Variants in NDUFAF3 observed in about 807,000 individuals in gnomAD.
NDUFAF3 encodes the protein NADH:ubiquinone oxidoreductase complex assembly factor 3.
NDUFAF3 carries 21 observed loss-of-function variants against 22.6 expected under a neutral mutation model. The ratio of observed to expected loss-of-function variants is 0.93; its 90% CI spans 0.66 to 1.34. NDUFAF3 has a LOEUF of 1.34. Ranked by LOEUF, NDUFAF3 falls within the 40% of genes most tolerant of loss-of-function variation. The pLI, the probability that NDUFAF3 is intolerant of heterozygous loss-of-function variation, is 0.00. For synonymous variants in NDUFAF3, 113 were observed against 104.9 expected, an observed-to-expected ratio of 1.08 and a Z score of -0.47; for missense variants, 251 against 248.4, an observed-to-expected ratio of 1.01 and a Z score of -0.07.
chr3:49,020,819 G>C (rs778680245), upstream of NDUFAF3: 3 of 368,576 alleles, frequency 8.1e-6, no homozygotes, highest in Non-Finnish European at 1.7e-5. Flanking sequence ...GTTGTGAAAC[G>C]GAGTCTAGAG....
In NDUFAF3 at chr3:49,022,716, G is replaced by A. The variant is rs751592589; in HGVS notation, c.285G>A (p.Gln95=). The change falls in exon 3 of 5, where the codon CAG becomes CAA. Residue 95 remains glutamine, a synonymous_variant. Coordinates refer to ENST00000326925, the MANE Select transcript of NDUFAF3 (RefSeq NM_199069.2). This position sits in a 1 kb window ranked among gnomAD's most constrained non-coding sequence, Gnocchi z 6.6. ...TCCCTGCACAGGTGGGATCCCACCA[G>A]GACATCACCGAAGACAGCTTTTCCC... is the stretch of plus-strand genomic sequence containing the variant. ...SVVQWNVGSH[Q]DITEDSFSLF... 2.5e-6 allele frequency: 4 copies of A among 1,614,000 alleles called. No homozygotes were observed. The highest frequency in any genetic ancestry group is 2.5e-6 in the Non-Finnish European group (3 of 1,180,046).
At chr3:49,020,876 G>A, upstream of NDUFAF3, 1 of 291,130 alleles carries the variant, frequency 3.4e-6, no homozygotes, top group Non-Finnish European at 7.2e-6. Flanking sequence ...AGGGGAGGTG[G>A]GGGCCTCCCC....
chr3:49,023,012 C>A, intron 4 of NDUFAF3, 36 bp downstream of exon 4: 1 of 1,613,650 alleles, frequency 6.2e-7, no homozygotes, highest in South Asian at 1.1e-5. Flanking sequence ...GCGGGGAGCA[C>A]AGGCCTGGCG....
chr3:49,020,547 CTG>C, upstream of NDUFAF3: 1 of 455,826 alleles, frequency 2.2e-6, no homozygotes. Flanking sequence ...CTGAGAGGAA[CTG>C]AGACCCAAGC....
Position 49,023,395 on chromosome 3 carries a change from T to A in NDUFAF3, c.*223T>A, listed in dbSNP as rs1410579995. The A allele has an allele frequency of 1.3e-5, 8 of 594,182 alleles. No homozygotes were observed. The highest frequency in any genetic ancestry group is 1.8e-5 in the Non-Finnish European group (6 of 330,738). The allele number at this position is 594,182 out of a possible 1,614,324, so 36.8% of individuals were successfully genotyped here. A position where few individuals can be genotyped will look rare whatever the true frequency, so the allele number is the denominator to read the frequency against. On this transcript the variant is annotated 3_prime_UTR_variant, in exon 5 of 5. Coordinates refer to ENST00000326925, the MANE Select transcript of NDUFAF3 (RefSeq NM_199069.2). The stretch of plus-strand genomic sequence containing the variant: ...CTTTTTCATCTAGATTACTTAGGAT[T>A]CCTTGACTTTTCAGAAGTCGGGAAG...
chr3:49,022,006 G>C (rs1161459162), upstream of NDUFAF3: 2 of 882,536 alleles, frequency 2.3e-6, no homozygotes, highest in Non-Finnish European at 3.5e-6. The surrounding 1 kb of genome is among the most constrained non-coding windows in gnomAD (Gnocchi z 6.6). Flanking sequence ...GAGGACACTC[G>C]CCTGCTGGGC....
chr3:49,022,127 G>C lies in NDUFAF3; in HGVS notation c.-18G>C, dbSNP rs769259235. The C allele has an allele frequency of 6.2e-7, 1 of 1,603,598 alleles. No homozygotes were observed. Among genetic ancestry groups the C allele is most frequent in the Non-Finnish European group, 8.5e-7 (1 of 1,177,736 alleles). ...GACTAACGGCGCCGGTGACGACTTC[G>C]CCGCGCGTTGGTCAGCCATGGCCAC... On this transcript the variant is annotated 5_prime_UTR_variant, in exon 1 of 5. Coordinates refer to ENST00000326925, the MANE Select transcript of NDUFAF3 (RefSeq NM_199069.2). The surrounding 1 kb of genome is among the most constrained non-coding windows in gnomAD (Gnocchi z 6.6).
At chr3:49,023,014 G>C in intron 4 of NDUFAF3, 38 bp downstream of exon 4, 2 of 1,613,700 alleles carry the variant, frequency 1.2e-6, no homozygotes, top group South Asian at 2.2e-5. Flanking sequence ...GGGGAGCACA[G>C]GCCTGGCGCT....
In NDUFAF3 at chr3:49,022,898, A is replaced by AGACCG. The variant is rs772443579; in HGVS notation, c.366_370dup (p.Glu124GlyfsTer13). The AGACCG allele has an allele frequency of 1.9e-6, 3 of 1,614,000 alleles. No homozygotes were observed. The highest frequency in any genetic ancestry group is 1.7e-6 in the Non-Finnish European group (2 of 1,180,008). On this transcript the variant is annotated frameshift_variant, in exon 4 of 5. Coordinates refer to ENST00000326925, the MANE Select transcript of NDUFAF3 (RefSeq NM_199069.2). LOFTEE classifies it high-confidence loss of function. This position sits in a 1 kb window ranked among gnomAD's most constrained non-coding sequence, Gnocchi z 6.6. ...TAGAGATCGTGGTGGTGGGGACTGG[A>AGACCG]GACCGGACCGAGAGGCTGCAGTCCC...
In NDUFAF3 at chr3:49,022,325, C is replaced by A. The variant is rs773457075; in HGVS notation, c.78-21C>A. The A allele has an allele frequency of 5.0e-5, 80 of 1,610,044 alleles. No homozygotes were observed. The highest frequency in any genetic ancestry group is 2.3e-4 in the Admixed American group (14 of 59,954). On this transcript the variant is annotated intron_variant, in intron 1 of 4. Coordinates refer to ENST00000326925, the MANE Select transcript of NDUFAF3 (RefSeq NM_199069.2). This position sits in a 1 kb window ranked among gnomAD's most constrained non-coding sequence, Gnocchi z 6.6. Reference sequence around the variant, plus strand: ...GGGCTGCCCGGCCCGGCCCCGCGCCCCTGACCCTTTCCCTCCGCAGGGCCC... The same window carrying A: ...GGGCTGCCCGGCCCGGCCCCGCGCCACTGACCCTTTCCCTCCGCAGGGCCC...
In NDUFAF3 at chr3:49,022,158, TCG is replaced by T. The variant is rs765220551; in HGVS notation, c.18_19del (p.Leu7ThrfsTer2). Reference sequence around the variant, plus strand: ...CGTTGGTCAGCCATGGCCACCGCTCTCGCGCTACGTAGCTTGTACCGAGCGCG... The same window carrying T: ...CGTTGGTCAGCCATGGCCACCGCTCTCGCTACGTAGCTTGTACCGAGCGCG... On this transcript the variant is annotated frameshift_variant, in exon 1 of 5. Coordinates refer to ENST00000326925, the MANE Select transcript of NDUFAF3 (RefSeq NM_199069.2). LOFTEE classifies it high-confidence loss of function. The surrounding 1 kb of genome is among the most constrained non-coding windows in gnomAD (Gnocchi z 6.6). 1 of 1,609,690 alleles carries T rather than the reference TCG, an allele frequency of 6.2e-7. No homozygotes were observed.
chr3:49,020,795 A>C (rs2093148985), upstream of NDUFAF3: 1 of 401,216 alleles, frequency 2.5e-6, no homozygotes, highest in Non-Finnish European at 5.3e-6. Context: ...CCCAGGAGGA[A>C]GACCCGGGAG....
rs2093180445 is a variant in NDUFAF3, at chr3:49,023,331, T to G, written c.*159T>G. The stretch of plus-strand genomic sequence containing the variant: ...TGCTGGCCAGGAGCTGATGGCTCAC[T>G]GGGCTCTTGGAGGGGAATGTGAAGA... On this transcript the variant is annotated 3_prime_UTR_variant, in exon 5 of 5. Coordinates refer to ENST00000326925, the MANE Select transcript of NDUFAF3 (RefSeq NM_199069.2). 2.0e-5 allele frequency: 14 copies of G among 717,388 alleles called. No individual in the cohort carries two copies. The South Asian group carries it at 2.1e-4, about 11-fold the overall frequency. The allele number at this position is 717,388 out of a possible 1,614,324, so 44.4% of individuals were successfully genotyped here. A position where few individuals can be genotyped will look rare whatever the true frequency, so the allele number is the denominator to read the frequency against.
intron 4 of NDUFAF3, 35 bp from the exon 5 acceptor site, chr3:49,023,021 C>T (rs2093177713): frequency 6.2e-7 from 1 of 1,613,634 alleles, no homozygotes; most frequent in East Asian, 2.2e-5. Context: ...ACAGGCCTGG[C>T]GCTAGACAGG....
chr3:49,022,370 C>T lies in NDUFAF3; in HGVS notation c.102C>T (p.Leu34=). 3 of 1,612,548 alleles carry T rather than the reference C, an allele frequency of 1.9e-6. No individual in the cohort carries two copies. Among genetic ancestry groups the T allele is most frequent in the South Asian group, 1.1e-5 (1 of 91,086 alleles). The part of the protein sequence containing the change: ...LPWAPRRGHR[L]SPADDELYQR... ...GGGCCCCGCGGCGAGGGCATCGGCT[C>T]TCGCCGGCGGATGACGAGCTGTATC... Residue 34 remains leucine, a synonymous_variant, in exon 2 of 5, where the codon CTC becomes CTT. Transcript: ENST00000326925. This position sits in a 1 kb window ranked among gnomAD's most constrained non-coding sequence, Gnocchi z 6.6.
chr3:49,021,930 G>A (rs965588151), upstream of NDUFAF3: 1 of 596,260 alleles, frequency 1.7e-6, no homozygotes, highest in African/African-American at 1.9e-5. The surrounding 1 kb of genome is among the most constrained non-coding windows in gnomAD (Gnocchi z 4.1). Context: ...GGCCCGGGGC[G>A]GGGAGGGCGG....
chr3:49,022,231 G>C lies in NDUFAF3; in HGVS notation c.77+10G>C, dbSNP rs940494043. The C allele has an allele frequency of 3.1e-6, 5 of 1,610,586 alleles. No homozygotes were observed. The Admixed American group carries it at 5.0e-5, about 16-fold the overall frequency. ...CCGTTGAGCTTCCCTGGTGAGCTTG[G>C]ACCCCGCGCCCTCGACCATCCAGCC... On this transcript the variant is annotated intron_variant, in intron 1 of 4. Coordinates refer to ENST00000326925, the MANE Select transcript of NDUFAF3 (RefSeq NM_199069.2). The surrounding 1 kb of genome is among the most constrained non-coding windows in gnomAD (Gnocchi z 6.6).
Position 49,023,031 on chromosome 3 carries a change from G to T in NDUFAF3, c.439-25G>T, listed in dbSNP as rs200636349. Reference sequence around the variant, plus strand: ...GGAGCACAGGCCTGGCGCTAGACAGGCTGATGCTGGCCTTTTCTTTGCAGC... The same window carrying T: ...GGAGCACAGGCCTGGCGCTAGACAGTCTGATGCTGGCCTTTTCTTTGCAGC... On this transcript the variant is annotated intron_variant, in intron 4 of 4. Coordinates refer to ENST00000326925, the MANE Select transcript of NDUFAF3 (RefSeq NM_199069.2). The T allele has an allele frequency of 7.3e-4, 1,180 of 1,613,850 alleles. 2 individuals carry two copies. The highest frequency in any genetic ancestry group is 1.4e-3 in the Admixed American group (87 of 60,006).
upstream of NDUFAF3, chr3:49,020,750 C>A: frequency 2.2e-6 from 1 of 454,486 alleles, no homozygotes; most frequent in Non-Finnish European, 4.6e-6. Flanking sequence ...AGGTCACTCG[C>A]CCTGGGGCCA....
Sources: gnomAD v4.1 joint callset for allele counts on GRCh38, gnomAD v4.1.1 for gene constraint, Gnocchi (gnomAD v3.1) non-coding constraint, MANE v1.5 for transcripts, NCBI Gene and HGNC (gene_info 2026-07-23, HGNC 2026-07-21) for gene names.